Variants in PTPRD observed in about 807,000 individuals in gnomAD.
PTPRD encodes protein tyrosine phosphatase receptor type D.
PTPRD carries 34 observed loss-of-function variants against 214.5 expected under a neutral mutation model. That is an observed-to-expected ratio of 0.16 (90% CI 0.12 to 0.21). The LOEUF (loss-of-function observed/expected upper bound fraction) is 0.21, where lower values mean the gene tolerates loss of function less well. Among genes scored for constraint, PTPRD ranks in the 10% least tolerant of loss-of-function variants. The probability of loss-of-function intolerance (pLI) is 1.00; values close to 1 mark genes in which losing one functional copy is unlikely to be tolerated. For synonymous variants in PTPRD, 1,128 were observed against 845.7 expected (o/e 1.33, Z -5.79); for missense variants, 2,545 against 2,398.7 (o/e 1.06, Z -1.27).
rs184233393 is a variant in PTPRD at position 9,311,294 on chromosome 9, A to T, written c.-203+86155T>A. On this transcript the variant is annotated intron_variant, in intron 9 of 45. Coordinates refer to ENST00000381196, the MANE Select transcript of PTPRD (RefSeq NM_002839.4). ...GAGCAGGCACCCATGTCAAACACAA[A>T]ATCATTATATTATGTTGTCATATAA... is the stretch of plus-strand genomic sequence containing the variant. Among the ~76,000 whole-genome samples the T allele has an allele frequency of 1.7e-4, 26 of 152,302 alleles. No homozygotes were observed. In the East Asian group the frequency reaches 4.5e-3, roughly 26 times the overall value.
chr9:10,369,042 C>T (rs2097564779), intron 2 of PTPRD, among the ~76,000 whole-genome samples: 3 of 151,790 alleles, frequency 2.0e-5, no homozygotes, highest in South Asian at 2.1e-4. Flanking sequence ...AAAACAAAAA[C>T]ACAGTGCCAA....
chr9:9,954,013 C>G (rs1294458167), intron 4 of PTPRD, among the ~76,000 whole-genome samples: 1 of 151,824 alleles, frequency 6.6e-6, no homozygotes. Flanking sequence ...ATTGAAAGAG[C>G]AGGCTGGTTG....
chr9:9,747,548 T>G (rs905431967), intron 6 of PTPRD, among the ~76,000 whole-genome samples: 24 of 151,622 alleles, frequency 1.6e-4, no homozygotes, highest in African/African-American at 3.6e-4. Flanking sequence ...TGTTTTTTTT[T>G]TTTTTTTTTC....
At chr9:10,542,638 T>C (rs2059367219) in intron 2 of PTPRD, among the ~76,000 whole-genome samples, 1 of 152,200 alleles carries the variant, frequency 6.6e-6, no homozygotes, top group African/African-American at 2.4e-5. Context: ...CTTACCTTTA[T>C]ATTGGTAACA....
chr9:8,388,971 T>A (rs988604847), intron 37 of PTPRD, among the ~76,000 whole-genome samples: 1 of 148,120 alleles, frequency 6.8e-6, no homozygotes, highest in African/African-American at 2.5e-5. Context: ...TGTCTATTCC[T>A]GTGAATATTC....
chr9:8,910,539 C>T (rs2098740035), intron 11 of PTPRD, among the ~76,000 whole-genome samples: 1 of 152,148 alleles, frequency 6.6e-6, no homozygotes, highest in African/African-American at 2.4e-5. Flanking sequence ...CTCAGCCCCT[C>T]ACCATGTGAT....
At chr9:8,471,889 G>A (rs534569965) in intron 30 of PTPRD, among the ~76,000 whole-genome samples, 20 of 152,236 alleles carry the variant, frequency 1.3e-4, no homozygotes, top group African/African-American at 4.1e-4. Context: ...TCATATTCCT[G>A]TTTAGGGATT....
chr9:9,749,720 A>G (rs2098497248), intron 6 of PTPRD, among the ~76,000 whole-genome samples: 1 of 152,200 alleles, frequency 6.6e-6, no homozygotes, highest in Non-Finnish European at 1.5e-5. Flanking sequence ...GAAGAGATTT[A>G]TATTAAGAGT....
intron 3 of PTPRD, among the ~76,000 whole-genome samples, chr9:10,093,488 C>T (rs762154404): frequency 6.6e-5 from 10 of 151,500 alleles, no homozygotes; most frequent in Non-Finnish European, 1.2e-4. Context: ...AATGCTTATA[C>T]TCTGTTGGTG....
chr9:9,628,792 A>G (rs2095499237), intron 7 of PTPRD, among the ~76,000 whole-genome samples: 1 of 151,962 alleles, frequency 6.6e-6, no homozygotes, highest in Non-Finnish European at 1.5e-5. Context: ...ATACATTTTT[A>G]TAGGAATAAA....
chr9:8,973,357 C>A (rs923390892), intron 11 of PTPRD, among the ~76,000 whole-genome samples: 2 of 151,982 alleles, frequency 1.3e-5, no homozygotes, highest in African/African-American at 2.4e-5. Flanking sequence ...AGGATAATGA[C>A]CCCTAGCTTT....
At position 9,860,907 on chromosome 9, in the gene PTPRD, T is replaced by C. The variant is rs138039313; in HGVS notation, c.-368+77600A>G. ...AATTGCTATACTCAGCATGTGAATCTGAAAACTGGCAACTCTTAAGAAAAA... is the reference window on the plus strand; with the variant it reads ...AATTGCTATACTCAGCATGTGAATCCGAAAACTGGCAACTCTTAAGAAAAA... On this transcript the variant is annotated intron_variant, in intron 5 of 45. Coordinates refer to ENST00000381196, the MANE Select transcript of PTPRD (RefSeq NM_002839.4). Among the ~76,000 whole-genome samples, 74 of 152,354 alleles carry C rather than the reference T, an allele frequency of 4.9e-4. 1 individual carries two copies. The East Asian group carries it at 0.013, about 27-fold the overall frequency.
At chr9:10,065,295 G>A (rs926814786) in intron 3 of PTPRD, among the ~76,000 whole-genome samples, 4 of 152,032 alleles carry the variant, frequency 2.6e-5, no homozygotes, top group East Asian at 1.9e-4. Context: ...AGAGTTGCAC[G>A]ATGTTAGTCA....
chr9:8,635,167 T>C (rs773065609), intron 13 of PTPRD, among the ~76,000 whole-genome samples: 7 of 150,328 alleles, frequency 4.7e-5, no homozygotes, highest in Non-Finnish European at 1.0e-4. Flanking sequence ...GTAAAAATAA[T>C]TCATTTACCC....
intron 10 of PTPRD, among the ~76,000 whole-genome samples, chr9:9,040,603 G>C (rs1308995339): frequency 3.3e-5 from 5 of 151,890 alleles, no homozygotes; most frequent in African/African-American, 1.2e-4. Context: ...AACTGGTTTT[G>C]TACTTGAAGT....
intron 8 of PTPRD, among the ~76,000 whole-genome samples, chr9:9,501,492 G>A (rs1788846317): frequency 6.6e-6 from 1 of 151,828 alleles, no homozygotes; most frequent in African/African-American, 2.4e-5. Flanking sequence ...AGAAAAGTGT[G>A]AAATAGACAA....
chr9:10,403,291 G>A (rs1489508172), intron 2 of PTPRD, among the ~76,000 whole-genome samples: 2 of 126,408 alleles, frequency 1.6e-5, no homozygotes, highest in Non-Finnish European at 3.3e-5. Context: ...ATTTCCTAAG[G>A]TCAGTCTTGA....
At chr9:10,133,240 C>G (rs35938847) in intron 3 of PTPRD, among the ~76,000 whole-genome samples, 11,580 of 152,082 alleles carry the variant, frequency 0.076, 500 homozygotes, top group East Asian at 0.13. Context: ...CAGAGGAGAA[C>G]TGAAACAGCA....
At chr9:9,023,435 C>T (rs974080348) in intron 10 of PTPRD, among the ~76,000 whole-genome samples, 2 of 151,952 alleles carry the variant, frequency 1.3e-5, no homozygotes, top group Non-Finnish European at 2.9e-5. Flanking sequence ...CACAAAACGC[C>T]TAGGACCTGC....
Sources: allele counts gnomAD v4.1 joint callset (sites outside exome capture counted in the v4.1 genomes callset), GRCh38; gene constraint gnomAD v4.1.1; transcripts MANE v1.5; gene names NCBI Gene and HGNC (gene_info 2026-07-23, HGNC 2026-07-21).